Variants in ADAMTS9 observed in about 807,000 individuals in gnomAD.
ADAMTS9 encodes A disintegrin and metalloproteinase with thrombospondin motifs 9.
A neutral mutation model predicts 257.1 loss-of-function variants in ADAMTS9; 107 were observed. The ratio of observed to expected loss-of-function variants is 0.42; its 90% confidence interval spans 0.36 to 0.49. The LOEUF (loss-of-function observed/expected upper bound fraction) is 0.49. Among genes scored for constraint, ADAMTS9 ranks in the 20% least tolerant of loss-of-function variants. The pLI is 0.03. For synonymous variants in ADAMTS9, 982 were observed against 880.9 expected (o/e 1.11, Z -2.03); for missense variants, 2,353 against 2,469.1 (o/e 0.95, Z 1.00).
intron 3 of ADAMTS9, among the ~76,000 whole-genome samples, chr3:64,662,202 A>T (rs1356961263): frequency 2.0e-5 from 3 of 151,954 alleles, no homozygotes; most frequent in Admixed American, 1.3e-4. Flanking sequence ...TAATTTCCAC[A>T]TACTTTTGAG....
chr3:64,684,154 A>T (rs1160731182), intron 2 of ADAMTS9, among the ~76,000 whole-genome samples: 1 of 152,184 alleles, frequency 6.6e-6, no homozygotes, highest in Non-Finnish European at 1.5e-5. Flanking sequence ...TTGGGAGCTG[A>T]GACTGGACAT....
chr3:64,654,547 T>C (rs944465798), intron 7 of ADAMTS9, 25 bp downstream of exon 7: 11 of 1,613,752 alleles, frequency 6.8e-6, no homozygotes, highest in Non-Finnish European at 9.3e-6. Flanking sequence ...GTTTTAGCCA[T>C]AGAAGATACG....
At chr3:64,665,931 A>G (rs1701345290) in intron 3 of ADAMTS9, among the ~76,000 whole-genome samples, 3 of 152,230 alleles carry the variant, frequency 2.0e-5, no homozygotes, top group South Asian at 4.1e-4. Flanking sequence ...CTTATAAATT[A>G]TAAGTTACAT....
chr3:64,630,665 G>C (rs192316825), intron 16 of ADAMTS9, among the ~76,000 whole-genome samples: 36 of 152,226 alleles, frequency 2.4e-4, no homozygotes, highest in African/African-American at 8.2e-4. Context: ...AATAGCTAAT[G>C]CATGCTGGGC....
chr3:64,540,560 C>T (rs527380410), intron 36 of ADAMTS9, among the ~76,000 whole-genome samples: 3 of 152,250 alleles, frequency 2.0e-5, no homozygotes, highest in South Asian at 2.1e-4. Context: ...ACTGTGCTGG[C>T]GAAAGCTGGG....
At chr3:64,602,943 T>C (rs1424331410) in intron 25 of ADAMTS9, among the ~76,000 whole-genome samples, 1 of 152,198 alleles carries the variant, frequency 6.6e-6, no homozygotes, top group Non-Finnish European at 1.5e-5. Flanking sequence ...TTCACAAATA[T>C]CTGGTGAGTA....
intron 4 of ADAMTS9, among the ~76,000 whole-genome samples, chr3:64,657,985 GA>G (rs1701123344): frequency 6.6e-6 from 1 of 152,188 alleles, no homozygotes; most frequent in Non-Finnish European, 1.5e-5. Context: ...TCCTGGGGAA[GA>G]GGCTATTTTT....
chr3:64,641,752 A>C, intron 12 of ADAMTS9, 96 bp downstream of exon 12: 1 of 1,486,498 alleles, frequency 6.7e-7, no homozygotes, highest in South Asian at 1.3e-5. Flanking sequence ...CTAGCTCTCT[A>C]AGTTGGAATG....
intron 12 of ADAMTS9, among the ~76,000 whole-genome samples, chr3:64,639,804 C>A (rs1576149584): frequency 1.3e-5 from 2 of 152,252 alleles, no homozygotes; most frequent in African/African-American, 4.8e-5. Flanking sequence ...AACAAGGATG[C>A]ATAGCTGAGT....
At chr3:64,654,931 C>A (rs1701024371) in intron 6 of ADAMTS9, among the ~76,000 whole-genome samples, 1 of 152,116 alleles carries the variant, frequency 6.6e-6, no homozygotes, top group Non-Finnish European at 1.5e-5. Context: ...TGAGAACATT[C>A]CTGAGAAGGT....
intron 17 of ADAMTS9, 36 bp downstream of exon 17, chr3:64,622,384 A>T (rs1049914943): frequency 1.9e-6 from 3 of 1,612,740 alleles, no homozygotes; most frequent in Non-Finnish European, 2.5e-6. Flanking sequence ...TGCCAAGCAG[A>T]AGAAAAGGGT....
intron 22 of ADAMTS9, among the ~76,000 whole-genome samples, chr3:64,610,835 G>A (rs944206319): frequency 6.6e-6 from 1 of 152,020 alleles, no homozygotes; most frequent in Non-Finnish European, 1.5e-5. Context: ...CCAGCATTTT[G>A]GGAGACCAAA....
chr3:64,619,705 G>T (rs895546666), intron 19 of ADAMTS9, among the ~76,000 whole-genome samples: 3 of 152,138 alleles, frequency 2.0e-5, no homozygotes, highest in Admixed American at 2.0e-4. Context: ...TTAGTAAATG[G>T]TTGACTCTAT....
At chr3:64,572,779 G>A (rs1322715040) in intron 28 of ADAMTS9, among the ~76,000 whole-genome samples, 3 of 152,100 alleles carry the variant, frequency 2.0e-5, no homozygotes, top group Non-Finnish European at 4.4e-5. Flanking sequence ...AGATGCAGGG[G>A]CTTAGAAAAA....
intron 28 of ADAMTS9, among the ~76,000 whole-genome samples, chr3:64,569,409 A>G (rs946307293): frequency 3.3e-5 from 5 of 152,196 alleles, no homozygotes; most frequent in Admixed American, 6.5e-5. Flanking sequence ...TCCCAATATA[A>G]TGGTCTTGCT....
chr3:64,602,304 C>T (rs2084478174), intron 25 of ADAMTS9, 91 bp from the exon 26 acceptor site: 3 of 1,492,136 alleles, frequency 2.0e-6, no homozygotes, highest in Non-Finnish European at 1.8e-6. Flanking sequence ...TGGCCCACCA[C>T]TTTCCCAAAT....
At chr3:64,645,035 T>C (rs774752363) in intron 11 of ADAMTS9, among the ~76,000 whole-genome samples, 4 of 152,228 alleles carry the variant, frequency 2.6e-5, no homozygotes, top group Non-Finnish European at 5.9e-5. Context: ...GTGTCTGATA[T>C]GACAGATGCT....
Position 64,602,057 on chromosome 3 carries a change from T to C in ADAMTS9, c.3904A>G (p.Ser1302Gly). ...TGGAAGGGGTGCTGAGCTAAGCCACTGTCTGGGGTCCTTTGAGGGCATGGT... is the reference window on the plus strand; with the variant it reads ...TGGAAGGGGTGCTGAGCTAAGCCACCGTCTGGGGTCCTTTGAGGGCATGGT... ...MSPCPQRTPD[S>G]GLAQHPFQNE... Residue 1302 changes from serine (S) to glycine (G), a missense_variant, in exon 26 of 40, where the codon AGT becomes GGT. By Grantham distance (56) the Ser-to-Gly change is moderately conservative. Coordinates refer to ENST00000498707, the MANE Select transcript of ADAMTS9 (RefSeq NM_182920.2). The C allele has an allele frequency of 6.2e-7, 1 of 1,614,094 alleles. No homozygotes were observed.
At chr3:64,523,461 A>G (rs141594804) in intron 38 of ADAMTS9, among the ~76,000 whole-genome samples, 206 of 152,334 alleles carry the variant, frequency 1.4e-3, no homozygotes, top group African/African-American at 4.6e-3. Flanking sequence ...AGGTGAGAAT[A>G]TTTCAAAAAG....
Sources: gnomAD v4.1 joint callset for allele counts (sites outside exome capture counted in the v4.1 genomes callset) on GRCh38, gnomAD v4.1.1 for gene constraint, MANE v1.5 for transcripts, NCBI Gene and HGNC (gene_info 2026-07-23, HGNC 2026-07-21) for gene names.